Variants in ABCG2 observed in about 807,000 individuals in gnomAD.
ABCG2 encodes the protein ATP binding cassette subfamily G member 2 (JR blood group), also known as broad substrate specificity ATP-binding cassette transporter ABCG2.
In ABCG2, 80 loss-of-function variants were observed where a neutral mutation model predicts 73.5. That is an observed-to-expected ratio of 1.09 (90% CI 0.91 to 1.31). The LOEUF (loss-of-function observed/expected upper bound fraction) is 1.31. Among genes scored for constraint, ABCG2 ranks in the 50% most tolerant of loss-of-function variants. ABCG2 has a pLI of 0.00. For synonymous variants in ABCG2, 269 were observed against 282.4 expected (o/e 0.95, Z 0.48); for missense variants, 796 against 786.2 (o/e 1.01, Z -0.15).
At chr4:88,220,864 C>A (rs1475293450) in intron 1 of ABCG2, among the ~76,000 whole-genome samples, 1 of 152,136 alleles carries the variant, frequency 6.6e-6, no homozygotes, top group Non-Finnish European at 1.5e-5. Context: ...CTTCCTGATA[C>A]CATGTGAAGA....
intron 1 of ABCG2, among the ~76,000 whole-genome samples, chr4:88,205,059 G>A (rs1390339464): frequency 6.6e-6 from 1 of 152,174 alleles, no homozygotes; most frequent in Non-Finnish European, 1.5e-5. Context: ...TTTGTTTTCT[G>A]AAAGCTGCTT....
intron 5 of ABCG2, among the ~76,000 whole-genome samples, chr4:88,123,551 A>C (rs1724160624): frequency 6.6e-6 from 1 of 152,088 alleles, no homozygotes; most frequent in South Asian, 2.1e-4. Flanking sequence ...ATCAAGCGGA[A>C]GAAAGGATAT....
Position 88,092,195 on chromosome 4 carries a change from T to C in ABCG2, c.*39A>G. On this transcript the variant is annotated 3_prime_UTR_variant, in exon 16 of 16. Transcript: ENST00000237612. ...GAATACTTCAATCAAAGTGCTTCTTTTTTATGTGAGGATAAATCATACTGA... is the reference window on the plus strand; with the variant it reads ...GAATACTTCAATCAAAGTGCTTCTTCTTTATGTGAGGATAAATCATACTGA... The C allele has an allele frequency of 2.6e-6, 4 of 1,552,350 alleles. No individual in the cohort carries two copies. The highest frequency in any genetic ancestry group is 3.5e-6 in the Non-Finnish European group (4 of 1,145,830).
At chr4:88,219,188 A>C (rs1231352968) in intron 1 of ABCG2, among the ~76,000 whole-genome samples, 1 of 152,248 alleles carries the variant, frequency 6.6e-6, no homozygotes, top group Non-Finnish European at 1.5e-5. Flanking sequence ...AAATTCCCAC[A>C]AAGTACATTT....
chr4:88,094,653 G>T lies in ABCG2; in HGVS notation c.1744C>A (p.Gln582Lys). The T allele has an allele frequency of 1.2e-6, 2 of 1,613,216 alleles. No individual in the cohort carries two copies. The highest frequency in any genetic ancestry group is 1.7e-6 in the Non-Finnish European group (2 of 1,179,164). Residue 582 changes from glutamine (Q) to lysine (K), a missense_variant, in exon 15 of 16, where the codon CAG (glutamine) becomes AAG (lysine). Coordinates refer to ENST00000237612, the MANE Select transcript of ABCG2 (RefSeq NM_004827.3). ...SIPRYGFTAL[Q>K]HNEFLGQNFC... ...TTTTGTCCCAAAAATTCATTATGCT[G>T]CAAAGCCTATAACACAAGTGGGAGC...
At chr4:88,219,512 G>A (rs574080528) in intron 1 of ABCG2, among the ~76,000 whole-genome samples, 1 of 151,836 alleles carries the variant, frequency 6.6e-6, no homozygotes, top group Admixed American at 6.6e-5. Context: ...ATACCTGAGG[G>A]TAGAGTTGTT....
chr4:88,132,138 G>A (rs957996534), intron 3 of ABCG2, among the ~76,000 whole-genome samples: 1 of 152,024 alleles, frequency 6.6e-6, no homozygotes, highest in Non-Finnish European at 1.5e-5. Context: ...TTACAATAAA[G>A]CCCCAAAACA....
At chr4:88,140,694 G>A (rs1725577449) in intron 1 of ABCG2, among the ~76,000 whole-genome samples, 1 of 152,004 alleles carries the variant, frequency 6.6e-6, no homozygotes, top group Non-Finnish European at 1.5e-5. Flanking sequence ...TTATCAAAAG[G>A]GGCTTAGCCA....
At chr4:88,156,370 C>CA (rs56029010) in intron 1 of ABCG2, among the ~76,000 whole-genome samples, 2,219 of 68,762 alleles carry the variant, frequency 0.032, 88 homozygotes, top group Non-Finnish European at 0.041. Context: ...GACTCCGTCT[C>CA]AAAAAAAAAA....
chr4:88,210,520 A>G (rs6815025), intron 1 of ABCG2, among the ~76,000 whole-genome samples: 151,579 of 152,214 alleles, frequency 1, 75,476 homozygotes, highest in East Asian at 1. Context: ...TTGTTCTAAA[A>G]CAAAAAGAAT....
rs560477532 is a variant in ABCG2, at chr4:88,219,782, G to C, written c.-20+11212C>G. 7.5e-4 allele frequency among the ~76,000 whole-genome samples: 113 copies of C among 150,520 alleles called. 3 individuals carry two copies. In the South Asian group the frequency reaches 0.022, roughly 29 times the overall value. ...TTTTTTGTATTTTTAGTAGAGATGG[G>C]GTTTCACCATGTTAGCCAGGATGGT... is the stretch of plus-strand genomic sequence containing the variant. On this transcript the variant is annotated intron_variant, in intron 1 of 15. Transcript: ENST00000515655.
At chr4:88,175,410 A>C (rs1472729270) in intron 1 of ABCG2, among the ~76,000 whole-genome samples, 2 of 152,330 alleles carry the variant, frequency 1.3e-5, no homozygotes, top group South Asian at 4.1e-4. Flanking sequence ...TAGTAGGCTA[A>C]ATTTATAATT....
At chr4:88,133,504 C>T (rs1434161574) in intron 2 of ABCG2, among the ~76,000 whole-genome samples, 1 of 152,146 alleles carries the variant, frequency 6.6e-6, no homozygotes, top group South Asian at 2.1e-4. Flanking sequence ...GTAGGGTCAT[C>T]CTTTAAGAAT....
upstream of ABCG2, among the ~76,000 whole-genome samples, chr4:88,160,438 G>A (rs915514578): frequency 1.2e-4 from 19 of 152,170 alleles, no homozygotes; most frequent in East Asian, 1.7e-3. Flanking sequence ...ACTACAGGAG[G>A]AGACTGAACA....
rs749077410 is a variant in ABCG2 at position 88,101,322 on chromosome 4, G to A, written c.1278-3C>T. On this transcript the variant is annotated splice_polypyrimidine_tract_variant and splice_region_variant and intron_variant, in intron 10 of 15. Transcript: ENST00000237612. ...TCAGGAAGAAGAGAACCCCAGCTCT[G>A]CCATGAAAAGGGGAACCAAATCACC... 1.2e-6 allele frequency: 2 copies of A among 1,613,778 alleles called. No individual in the cohort carries two copies. The highest frequency in any genetic ancestry group is 3.3e-5 in the Admixed American group (2 of 59,994).
intron 5 of ABCG2, among the ~76,000 whole-genome samples, chr4:88,130,746 G>A (rs1724792026): frequency 6.6e-6 from 1 of 152,162 alleles, no homozygotes; most frequent in Admixed American, 6.5e-5. Flanking sequence ...AGAAAAGTTA[G>A]TGCAGACACG....
At chr4:88,127,214 A>G (rs1458781841) in intron 5 of ABCG2, among the ~76,000 whole-genome samples, 1 of 152,344 alleles carries the variant, frequency 6.6e-6, no homozygotes, top group South Asian at 2.1e-4. Context: ...TACAACTTAC[A>G]AAAGATGTGA....
At chr4:88,185,607 TC>T (rs1728420921) in intron 1 of ABCG2, among the ~76,000 whole-genome samples, 1 of 152,028 alleles carries the variant, frequency 6.6e-6, no homozygotes, top group Non-Finnish European at 1.5e-5. Flanking sequence ...AAACTACCCA[TC>T]TGACAAGGGA....
intron 1 of ABCG2, among the ~76,000 whole-genome samples, chr4:88,180,667 C>A (rs1305087872): frequency 3.9e-5 from 6 of 152,110 alleles, no homozygotes; most frequent in Non-Finnish European, 8.8e-5. Context: ...TGGGGGGGCT[C>A]ACTTTAGCCC....
Sources: gnomAD v4.1 joint callset for allele counts (sites outside exome capture counted in the v4.1 genomes callset) on GRCh38, gnomAD v4.1.1 for gene constraint, MANE v1.5 for transcripts, NCBI Gene and HGNC (gene_info 2026-07-23, HGNC 2026-07-21) for gene names.